The following ARRB1 variants were observed in gnomAD, a reference collection of about 807,000 sequenced individuals.
ARRB1 encodes beta-arrestin-1.
A neutral mutation model predicts 56.8 loss-of-function variants in ARRB1; 21 were observed. The ratio of observed to expected loss-of-function variants is 0.37; its 90% CI spans 0.26 to 0.53. The LOEUF (loss-of-function observed/expected upper bound fraction) is 0.53. Ranked by LOEUF, ARRB1 falls within the 20% of genes least tolerant of loss-of-function variation. The probability of loss-of-function intolerance (pLI) is 0.88; values close to 1 mark genes in which losing one functional copy is unlikely to be tolerated. For synonymous variants in ARRB1, 210 were observed against 218.6 expected (o/e 0.96, Z 0.35); for missense variants, 424 against 553.7 (o/e 0.77, Z 2.35).
intron 1 of ARRB1, among the ~76,000 whole-genome samples, chr11:75,321,549 T>C (rs1426159587): frequency 2.0e-5 from 3 of 152,194 alleles, no homozygotes; most frequent in Non-Finnish European, 2.9e-5. Flanking sequence ...TCTGAGTTAC[T>C]TGAAGCTGCT....
At chr11:75,284,498 T>C (rs1946428270) in intron 3 of ARRB1, among the ~76,000 whole-genome samples, 1 of 152,204 alleles carries the variant, frequency 6.6e-6, no homozygotes, top group South Asian at 2.1e-4. Context: ...CTGGTGACTT[T>C]AGGCAGGTTA....
chr11:75,294,978 C>T (rs995173951), intron 1 of ARRB1, among the ~76,000 whole-genome samples: 2 of 152,068 alleles, frequency 1.3e-5, no homozygotes, highest in African/African-American at 4.8e-5. Context: ...AATCCCAGCA[C>T]TTTGGGAGGC....
chr11:75,301,607 G>T (rs1361314375), intron 1 of ARRB1, among the ~76,000 whole-genome samples: 2 of 152,166 alleles, frequency 1.3e-5, no homozygotes, highest in Non-Finnish European at 2.9e-5. Context: ...GCTGGGTAGG[G>T]TGGGGAGACG....
chr11:75,291,391 G>A (rs1051777164), intron 1 of ARRB1, among the ~76,000 whole-genome samples: 2 of 152,180 alleles, frequency 1.3e-5, no homozygotes, highest in African/African-American at 4.8e-5. Flanking sequence ...ATAAACATTA[G>A]TTGAACAGGT....
chr11:75,351,518 G>C (rs1338753808), intron 1 of ARRB1, 70 bp downstream of exon 1: 51 of 1,495,326 alleles, frequency 3.4e-5, no homozygotes, highest in Non-Finnish European at 4.3e-5. Flanking sequence ...GACGCAATCG[G>C]AGCCCCCGCC....
At chr11:75,310,159 G>T (rs899369651) in intron 1 of ARRB1, among the ~76,000 whole-genome samples, 1 of 152,164 alleles carries the variant, frequency 6.6e-6, no homozygotes, top group Non-Finnish European at 1.5e-5. Context: ...GGGGAATGGG[G>T]TCTCGCTCTC....
rs1439290413 is a variant in ARRB1, at chr11:75,290,000, C to G, written c.51+9G>C. On this transcript the variant is annotated intron_variant, in intron 2 of 15. Transcript: ENST00000420843. ...AGGGAGGCGCTGGGCGCAGCTGTTA[C>G]AGACTCACCTTTCCATTTGGACTGG... 6.2e-7 allele frequency: 1 copy of G among 1,614,226 alleles called. No homozygotes were observed. The highest frequency in any genetic ancestry group is 1.7e-5 in the Admixed American group (1 of 60,014).
intron 1 of ARRB1, among the ~76,000 whole-genome samples, chr11:75,326,830 G>A (rs572921325): frequency 8.8e-5 from 13 of 147,068 alleles, no homozygotes; most frequent in African/African-American, 1.8e-4. Context: ...TCAGCCTCTC[G>A]AGTAGCTGGG....
chr11:75,287,564 TA>T (rs1279872539), intron 2 of ARRB1, among the ~76,000 whole-genome samples, 189 bp from the exon 3 acceptor site: 3 of 152,206 alleles, frequency 2.0e-5, no homozygotes, highest in African/African-American at 7.2e-5. Flanking sequence ...TGTAAAATCT[TA>T]AAAGCACCAC....
intron 1 of ARRB1, among the ~76,000 whole-genome samples, chr11:75,311,743 G>C (rs1947166037): frequency 6.6e-6 from 1 of 152,248 alleles, no homozygotes; most frequent in Non-Finnish European, 1.5e-5. Context: ...ACTGATTTCT[G>C]AGTAGAGGGA....
intron 1 of ARRB1, among the ~76,000 whole-genome samples, chr11:75,327,433 C>T (rs1947457484): frequency 6.6e-6 from 1 of 151,846 alleles, no homozygotes; most frequent in Admixed American, 6.6e-5. Context: ...TTCCAAAGTG[C>T]TGGGATTACA....
At chr11:75,323,184 A>T (rs1240420269) in intron 1 of ARRB1, among the ~76,000 whole-genome samples, 5 of 152,372 alleles carry the variant, frequency 3.3e-5, no homozygotes, top group African/African-American at 1.2e-4. Flanking sequence ...CTAAGCCAGA[A>T]CTGCCCAGCG....
intron 1 of ARRB1, among the ~76,000 whole-genome samples, chr11:75,292,775 G>A (rs1946640660): frequency 6.6e-6 from 1 of 152,174 alleles, no homozygotes; most frequent in Non-Finnish European, 1.5e-5. Flanking sequence ...TAAGAAGGGA[G>A]GGAGGGAAGA....
At chr11:75,304,211 T>C (rs1946969911) in intron 1 of ARRB1, among the ~76,000 whole-genome samples, 1 of 152,252 alleles carries the variant, frequency 6.6e-6, no homozygotes, top group Non-Finnish European at 1.5e-5. Context: ...TAGAATAACA[T>C]ATGTTAAAAT....
At chr11:75,286,009 C>T (rs540889133) in intron 3 of ARRB1, among the ~76,000 whole-genome samples, 182 of 152,310 alleles carry the variant, frequency 1.2e-3, no homozygotes, top group Non-Finnish European at 1.1e-3. Flanking sequence ...CACCAAACAG[C>T]ATCCCAGGCA....
intron 5 of ARRB1, 79 bp downstream of exon 5, chr11:75,283,208 C>T (rs377493539): frequency 9.7e-6 from 14 of 1,440,864 alleles, no homozygotes; most frequent in African/African-American, 8.5e-5. Context: ...TGACCCTCAC[C>T]GCCCTCTTAT....
chr11:75,345,473 G>A (rs1947751713), intron 1 of ARRB1, among the ~76,000 whole-genome samples: 1 of 152,122 alleles, frequency 6.6e-6, no homozygotes, highest in Admixed American at 6.5e-5. Context: ...AACACAGGGT[G>A]CCCAGGGACC....
intron 15 of ARRB1, 38 bp downstream of exon 15, chr11:75,267,614 G>GCC: frequency 1.1e-4 from 147 of 1,324,410 alleles, no homozygotes; most frequent in Middle Eastern, 5.2e-4. Context: ...CCCACCCGCG[G>GCC]CCCACCCCCG....
At chr11:75,313,584 A>G (rs1262846977) in intron 1 of ARRB1, among the ~76,000 whole-genome samples, 2 of 152,214 alleles carry the variant, frequency 1.3e-5, no homozygotes, top group East Asian at 1.9e-4. Flanking sequence ...AAGAACTGCC[A>G]TGTCCTGACT....
Sources: allele counts gnomAD v4.1 joint callset (sites outside exome capture counted in the v4.1 genomes callset), GRCh38; gene constraint gnomAD v4.1.1; transcripts MANE v1.5; gene names NCBI Gene and HGNC (gene_info 2026-07-23, HGNC 2026-07-21).